The following AHCYL2 variants were observed in gnomAD, a reference collection of about 807,000 sequenced individuals.
The protein encoded by AHCYL2 is S-adenosylhomocysteine hydrolase-like protein 2.
A neutral mutation model predicts 81.4 loss-of-function variants in AHCYL2; 28 were observed. The ratio of observed to expected loss-of-function variants is 0.34; its 90% CI spans 0.25 to 0.47. The LOEUF (loss-of-function observed/expected upper bound fraction) is 0.47, where lower values mean the gene tolerates loss of function less well. AHCYL2 is among the 20% of genes least tolerant of loss of function. The probability of loss-of-function intolerance (pLI) is 1.00; values close to 1 mark genes in which losing one functional copy is unlikely to be tolerated. For missense variants in AHCYL2, 551 were observed against 785.1 expected (o/e 0.70, Z 3.56); for synonymous variants, 272 against 290.2 (o/e 0.94, Z 0.64).
At chr7:129,329,242 C>T (rs1335243583) in intron 1 of AHCYL2, among the ~76,000 whole-genome samples, 3 of 152,146 alleles carry the variant, frequency 2.0e-5, no homozygotes, top group East Asian at 3.8e-4. Context: ...TACAGTGGCG[C>T]GATCACAGCT....
At chr7:129,383,097 T>G (rs1051127195) in intron 2 of AHCYL2, among the ~76,000 whole-genome samples, 6 of 152,106 alleles carry the variant, frequency 3.9e-5, no homozygotes, top group African/African-American at 1.2e-4. Flanking sequence ...TCCTATATAC[T>G]AGATTCATAT....
intron 1 of AHCYL2, among the ~76,000 whole-genome samples, chr7:129,247,229 A>G (rs1795093626): frequency 6.6e-6 from 1 of 152,250 alleles, no homozygotes; most frequent in Non-Finnish European, 1.5e-5. Flanking sequence ...CATCCTTGCC[A>G]ATACTTGGCA....
At position 129,375,656 on chromosome 7, in the gene AHCYL2, C is replaced by T. The variant is rs113513506; in HGVS notation, c.364-3982C>T. Reference sequence around the variant, plus strand: ...ACTAGAATTAGGAATGGCTGTTGAGCCACTAACAGAAATGCCTTATTAAAT... The same window carrying T: ...ACTAGAATTAGGAATGGCTGTTGAGTCACTAACAGAAATGCCTTATTAAAT... On this transcript the variant is annotated intron_variant, in intron 1 of 16. Coordinates refer to ENST00000325006, the MANE Select transcript of AHCYL2 (RefSeq NM_015328.4). 1,533 of 1,371,276 alleles carry T rather than the reference C, an allele frequency of 1.1e-3. 15 individuals are homozygous for T. In the African/African-American group the frequency reaches 0.02, roughly 18 times the overall value. 84.9% of individuals were successfully genotyped at this position (1,371,276 alleles called of 1,614,324 possible).
At chr7:129,256,549 A>ACGC (rs1213535960) in intron 1 of AHCYL2, among the ~76,000 whole-genome samples, 1 of 63,744 alleles carries the variant, frequency 1.6e-5, no homozygotes, top group Non-Finnish European at 2.9e-5. Flanking sequence ...CCCACCCCCC[A>ACGC]CCCCCCCCCC....
chr7:129,343,700 T>C (rs1346822646), intron 1 of AHCYL2, among the ~76,000 whole-genome samples: 1 of 152,112 alleles, frequency 6.6e-6, no homozygotes, highest in Non-Finnish European at 1.5e-5. Flanking sequence ...AAATGGATCA[T>C]AGACTATAGA....
rs1215276724 is a variant in AHCYL2, at chr7:129,389,301, T to C, written c.619+102T>C. The C allele has an allele frequency of 7.1e-6, 10 of 1,417,350 alleles. No homozygotes were observed. The African/African-American group carries it at 8.8e-5, about 12-fold the overall frequency. 87.8% of individuals were successfully genotyped at this position (1,417,350 alleles called of 1,614,324 possible). On this transcript the variant is annotated intron_variant, in intron 3 of 16. Coordinates refer to ENST00000325006, the MANE Select transcript of AHCYL2 (RefSeq NM_015328.4). ...GGTCTGGTAGCTTGTGAAATTTCTATGTGATAAGAATACTTATAACAAAAG... is the reference window on the plus strand; with the variant it reads ...GGTCTGGTAGCTTGTGAAATTTCTACGTGATAAGAATACTTATAACAAAAG...
At chr7:129,309,678 G>A (rs2150773945) in intron 1 of AHCYL2, among the ~76,000 whole-genome samples, 2 of 152,300 alleles carry the variant, frequency 1.3e-5, no homozygotes, top group South Asian at 4.1e-4. Flanking sequence ...TTTACAGTCT[G>A]CCTTCTCTGT....
In AHCYL2 at chr7:129,291,649, C is replaced by G. The variant is rs113292982; in HGVS notation, c.363+66210C>G. Among the ~76,000 whole-genome samples, 908 of 151,060 alleles carry G rather than the reference C, an allele frequency of 6.0e-3. 11 individuals carry two copies. Among genetic ancestry groups the G allele is most frequent in the African/African-American group, 0.021 (874 of 41,048 alleles). ...ACAGGGTCTTGCTGTGTCACCCAGG[C>G]TGGAGTGCAGTGGCGTGATCTCAGT... On this transcript the variant is annotated intron_variant, in intron 1 of 16. Transcript: ENST00000325006.
intron 1 of AHCYL2, among the ~76,000 whole-genome samples, chr7:129,284,124 A>G (rs753891785): frequency 2.0e-5 from 3 of 152,160 alleles, no homozygotes; most frequent in Non-Finnish European, 2.9e-5. Flanking sequence ...AATTAAGGGA[A>G]GTGATAAGGA....
intron 4 of AHCYL2, among the ~76,000 whole-genome samples, chr7:129,396,269 C>A (rs1795735471): frequency 1.4e-5 from 2 of 147,566 alleles, no homozygotes; most frequent in African/African-American, 5.0e-5. Flanking sequence ...ACTACAGGCG[C>A]CCGCTACCAC....
chr7:129,325,074 C>A (rs1361845840), intron 1 of AHCYL2, among the ~76,000 whole-genome samples: 2 of 152,156 alleles, frequency 1.3e-5, no homozygotes, highest in Non-Finnish European at 2.9e-5. Flanking sequence ...TCAAGGATAT[C>A]TAAATAATTG....
chr7:129,229,281 G>A (rs1431246724), intron 1 of AHCYL2, among the ~76,000 whole-genome samples: 2 of 152,140 alleles, frequency 1.3e-5, no homozygotes, highest in African/African-American at 4.8e-5. Flanking sequence ...TGGTCAGGCT[G>A]CTTTCAAACT....
chr7:129,399,962 G>A (rs1354154947), intron 5 of AHCYL2, among the ~76,000 whole-genome samples: 1 of 152,080 alleles, frequency 6.6e-6, no homozygotes, highest in Non-Finnish European at 1.5e-5. Flanking sequence ...CTAACCTCAG[G>A]TGATCCACCC....
chr7:129,378,229 T>A (rs1481896457), intron 1 of AHCYL2, among the ~76,000 whole-genome samples: 1 of 151,998 alleles, frequency 6.6e-6, no homozygotes, highest in Non-Finnish European at 1.5e-5. Flanking sequence ...GGAGAATTGC[T>A]TGAACCCAGG....
At chr7:129,366,387 C>A (rs1242766134) in intron 1 of AHCYL2, among the ~76,000 whole-genome samples, 7 of 152,188 alleles carry the variant, frequency 4.6e-5, no homozygotes, top group Non-Finnish European at 8.8e-5. Flanking sequence ...TCCTCCATTC[C>A]AAATCCAAAG....
intron 1 of AHCYL2, among the ~76,000 whole-genome samples, chr7:129,248,999 T>TA (rs1371108382): frequency 8.0e-5 from 12 of 149,170 alleles, no homozygotes; most frequent in Non-Finnish European, 1.8e-4. Context: ...CAATAAACTT[T>TA]TTTTTTTTTT....
chr7:129,385,141 T>G (rs1488427357), intron 2 of AHCYL2, among the ~76,000 whole-genome samples: 4 of 152,220 alleles, frequency 2.6e-5, no homozygotes, highest in Admixed American at 6.5e-5. Flanking sequence ...TCTACAATTC[T>G]TATAAAGTTT....
intron 1 of AHCYL2, among the ~76,000 whole-genome samples, chr7:129,289,033 T>C (rs559638254): frequency 1.3e-5 from 2 of 151,990 alleles, no homozygotes; most frequent in East Asian, 3.9e-4. Context: ...CTGCCAGCCT[T>C]CGTCTTCCAA....
At chr7:129,237,814 C>T (rs917907054) in intron 1 of AHCYL2, among the ~76,000 whole-genome samples, 4 of 152,092 alleles carry the variant, frequency 2.6e-5, no homozygotes, top group African/African-American at 9.7e-5. Flanking sequence ...CAACCTCCAT[C>T]TCCCGGGTTC....
Sources: allele counts gnomAD v4.1 joint callset (sites outside exome capture counted in the v4.1 genomes callset), GRCh38; gene constraint gnomAD v4.1.1; transcripts MANE v1.5; gene names NCBI Gene and HGNC (gene_info 2026-07-23, HGNC 2026-07-21).